XPR1: variants seen among roughly 807,000 people sequenced by gnomAD.
XPR1 encodes solute carrier family 53 member 1.
XPR1 carries 28 observed loss-of-function variants against 87.5 expected under a neutral mutation model. The observed-to-expected ratio is 0.32, with a 90% CI of 0.24 to 0.44. The LOEUF (loss-of-function observed/expected upper bound fraction) is 0.44, where lower values mean the gene tolerates loss of function less well. XPR1 is among the 20% of genes least tolerant of loss of function. The pLI is 1.00. For synonymous variants in XPR1, 300 were observed against 306.1 expected (o/e 0.98, Z 0.21); for missense variants, 559 against 862.3 (o/e 0.65, Z 4.41).
At chr1:180,878,676 G>T (rs1032457848) in intron 13 of XPR1, among the ~76,000 whole-genome samples, 1 of 152,150 alleles carries the variant, frequency 6.6e-6, no homozygotes, top group Non-Finnish European at 1.5e-5. Context: ...GTCTCCCAGA[G>T]CCTGTGCTTT....
At position 180,885,699 on chromosome 1, in the gene XPR1, A is replaced by C. The variant is rs1466964164; in HGVS notation, c.*1633A>C. On this transcript the variant is annotated 3_prime_UTR_variant, in exon 15 of 15. Transcript: ENST00000367590. ...AAGTAAATTTAGTCCTATAATTTTC[A>C]GCTTAATTATAAACAAAGGAACAAA... 6.6e-6 allele frequency: 1 copy of C among 152,228 alleles called. No individual in the cohort carries two copies. The highest frequency in any genetic ancestry group is 6.5e-5 in the Admixed American group (1 of 15,288). The allele number at this position is 152,228 out of a possible 1,614,324, so 9.4% of individuals were successfully genotyped here.
chr1:180,839,126 G>T (rs1651412196), intron 11 of XPR1, among the ~76,000 whole-genome samples: 1 of 152,150 alleles, frequency 6.6e-6, no homozygotes, highest in Non-Finnish European at 1.5e-5. Context: ...AGTTTTATGA[G>T]TTCAGTGAGT....
chr1:180,764,864 C>A (rs1188778752), intron 2 of XPR1, among the ~76,000 whole-genome samples: 2 of 149,342 alleles, frequency 1.3e-5, no homozygotes, highest in Non-Finnish European at 1.5e-5. Flanking sequence ...GGGCTCACTG[C>A]AAGCTCCACC....
intron 11 of XPR1, among the ~76,000 whole-genome samples, chr1:180,856,325 A>C (rs1652031143): frequency 6.6e-6 from 1 of 152,106 alleles, no homozygotes; most frequent in Non-Finnish European, 1.5e-5. Flanking sequence ...AACTGGAAAT[A>C]AACTCAACCA....
intron 1 of XPR1, among the ~76,000 whole-genome samples, chr1:180,666,663 C>T (rs902914673): frequency 2.6e-5 from 4 of 152,160 alleles, no homozygotes; most frequent in African/African-American, 9.6e-5. Flanking sequence ...GACTTCATAT[C>T]CCACTTTGCG....
chr1:180,812,752 G>A (rs183070179), intron 7 of XPR1, among the ~76,000 whole-genome samples: 2 of 151,002 alleles, frequency 1.3e-5, no homozygotes, highest in Admixed American at 6.6e-5. Flanking sequence ...GGGTTCACAC[G>A]ATTTTCCTGC....
intron 10 of XPR1, among the ~76,000 whole-genome samples, chr1:180,835,857 A>C (rs1651267026): frequency 1.3e-5 from 2 of 152,180 alleles, no homozygotes; most frequent in African/African-American, 4.8e-5. Flanking sequence ...TGATACTTGT[A>C]GGTTTTCCAG....
chr1:180,754,701 A>G (rs1273440414), intron 2 of XPR1, among the ~76,000 whole-genome samples: 3 of 152,138 alleles, frequency 2.0e-5, no homozygotes, highest in African/African-American at 7.2e-5. Context: ...GGCTCAAGCA[A>G]TCTGCCTGCC....
intron 2 of XPR1, among the ~76,000 whole-genome samples, chr1:180,780,693 G>A (rs1295045743): frequency 6.7e-6 from 1 of 149,368 alleles, no homozygotes; most frequent in East Asian, 1.9e-4. Context: ...GCGTGAACCT[G>A]GGAGGCGGAG....
At position 180,684,019 on chromosome 1, in the gene XPR1, A is replaced by G. The variant is rs530273764; in HGVS notation, c.121+1608A>G. ...TTGTTGCCATTGCTTTTGGTGTTTT[A>G]GACATGAAGTCCTTGCCCATGCCTA... On this transcript the variant is annotated intron_variant, in intron 2 of 14. Coordinates refer to ENST00000367590, the MANE Select transcript of XPR1 (RefSeq NM_004736.4). 3.3e-3 allele frequency among the ~76,000 whole-genome samples: 505 copies of G among 152,184 alleles called. 2 individuals are homozygous for G. Among genetic ancestry groups the G allele is most frequent in the Non-Finnish European group, 6.4e-3 (435 of 68,012 alleles).
chr1:180,711,210 G>T (rs1250423972), intron 2 of XPR1, among the ~76,000 whole-genome samples: 1 of 151,672 alleles, frequency 6.6e-6, no homozygotes, highest in Non-Finnish European at 1.5e-5. Context: ...CCCAGACAGG[G>T]TGGCGGCCGG....
chr1:180,688,258 A>C (rs1471277441), intron 2 of XPR1, among the ~76,000 whole-genome samples: 1 of 150,156 alleles, frequency 6.7e-6, no homozygotes, highest in Non-Finnish European at 1.5e-5. Context: ...TTGCCATGTT[A>C]ACCTGCCTGG....
chr1:180,793,897 C>CT (rs1215821205), intron 3 of XPR1, among the ~76,000 whole-genome samples: 2 of 151,168 alleles, frequency 1.3e-5, no homozygotes, highest in Non-Finnish European at 3.0e-5. Flanking sequence ...CCTATTTTTC[C>CT]TTTTTTCTTT....
At chr1:180,791,243 T>C (rs962839459) in intron 3 of XPR1, among the ~76,000 whole-genome samples, 2 of 152,178 alleles carry the variant, frequency 1.3e-5, no homozygotes, top group African/African-American at 4.8e-5. Context: ...AAGAAAAATA[T>C]CTACTCTTGG....
chr1:180,771,781 T>C (rs1379847036), intron 2 of XPR1, among the ~76,000 whole-genome samples: 2 of 152,222 alleles, frequency 1.3e-5, no homozygotes, highest in Non-Finnish European at 2.9e-5. Flanking sequence ...TCCTTCATAG[T>C]GCATTTTTTT....
chr1:180,653,186 C>T (rs1173248188), intron 1 of XPR1, among the ~76,000 whole-genome samples: 1 of 152,116 alleles, frequency 6.6e-6, no homozygotes, highest in Non-Finnish European at 1.5e-5. Flanking sequence ...GTACAATATT[C>T]TGATTGTACA....
At chr1:180,745,043 C>G (rs746957014) in intron 2 of XPR1, among the ~76,000 whole-genome samples, 7 of 152,092 alleles carry the variant, frequency 4.6e-5, no homozygotes, top group Non-Finnish European at 7.4e-5. Context: ...TCATATATGT[C>G]CTATAAGATA....
At chr1:180,659,236 T>C (rs144999891) in intron 1 of XPR1, among the ~76,000 whole-genome samples, 94 of 21,844 alleles carry the variant, frequency 4.3e-3, no homozygotes, top group Non-Finnish European at 6.1e-3. Context: ...CTTCCTTCCT[T>C]CCTTCCTTCC....
intron 9 of XPR1, 92 bp downstream of exon 9, chr1:180,825,436 T>C: frequency 7.7e-7 from 1 of 1,305,356 alleles, no homozygotes; most frequent in Non-Finnish European, 1.0e-6. Context: ...GTTGTACAAC[T>C]GCAGAGGCCG....
Sources: allele counts gnomAD v4.1 joint callset (sites outside exome capture counted in the v4.1 genomes callset), GRCh38; gene constraint gnomAD v4.1.1; transcripts MANE v1.5; gene names NCBI Gene and HGNC (gene_info 2026-07-23, HGNC 2026-07-21).